The following AFG2A variants were observed in gnomAD, a reference collection of about 807,000 sequenced individuals.
AFG2A encodes ATPase family gene 2 protein homolog A.
the AFG2A span, among the ~76,000 whole-genome samples, chr4:123,296,640 T>A: frequency 6.6e-6 from 1 of 152,206 alleles, no homozygotes; most frequent in African/African-American, 2.4e-5. Flanking sequence ...AGGATTACAG[T>A]GTAGATGCAA....
At chr4:122,947,302 C>T in the AFG2A span, 16 of 1,613,290 alleles carry the variant, frequency 9.9e-6, no homozygotes, top group East Asian at 4.5e-5. Context: ...TGCTGCTCTC[C>T]GAAGACCTGG....
chr4:122,957,166 A>T, the AFG2A span, among the ~76,000 whole-genome samples: 1 of 152,310 alleles, frequency 6.6e-6, no homozygotes, highest in South Asian at 2.1e-4. Flanking sequence ...GGGAGAAAGA[A>T]GGTAAAGAAA....
the AFG2A span, chr4:123,090,519 A>G: frequency 6.4e-7 from 1 of 1,572,024 alleles, no homozygotes; most frequent in Non-Finnish European, 8.7e-7. Context: ...TTAAAAATTA[A>G]TAGATAATAG....
At chr4:122,956,694 G>C in the AFG2A span, among the ~76,000 whole-genome samples, 1 of 152,144 alleles carries the variant, frequency 6.6e-6, no homozygotes, top group Non-Finnish European at 1.5e-5. Flanking sequence ...GCAGTGGCGT[G>C]ATCTCGGCTC....
the AFG2A span, among the ~76,000 whole-genome samples, chr4:123,219,732 G>T: frequency 6.6e-6 from 1 of 152,036 alleles, no homozygotes; most frequent in Non-Finnish European, 1.5e-5. Flanking sequence ...AATTTTACTT[G>T]TGCATGTGTA....
At chr4:123,072,281 T>C in the AFG2A span, among the ~76,000 whole-genome samples, 1 of 152,298 alleles carries the variant, frequency 6.6e-6, no homozygotes, top group Middle Eastern at 3.4e-3. Flanking sequence ...CAACTCTTAT[T>C]AATACAGTGT....
the AFG2A span, among the ~76,000 whole-genome samples, chr4:123,147,064 A>G: frequency 6.6e-6 from 1 of 152,090 alleles, no homozygotes; most frequent in Non-Finnish European, 1.5e-5. Flanking sequence ...ATCTTATTTT[A>G]TATTATATAT....
chr4:123,142,890 A>G, the AFG2A span, among the ~76,000 whole-genome samples: 1 of 152,112 alleles, frequency 6.6e-6, no homozygotes, highest in African/African-American at 2.4e-5. Flanking sequence ...TTTGTTGTAA[A>G]GTGAGGCCTT....
chr4:123,313,902 CAG>C, the AFG2A span: 1 of 1,591,842 alleles, frequency 6.3e-7, no homozygotes. Context: ...TAGCTGTCTG[CAG>C]AGAGGCAGCT....
chr4:123,213,044 ACT>A, the AFG2A span, among the ~76,000 whole-genome samples: 1 of 152,152 alleles, frequency 6.6e-6, no homozygotes, highest in Non-Finnish European at 1.5e-5. Context: ...AAGAGTTTTT[ACT>A]TGGACCTTCC....
the AFG2A span, among the ~76,000 whole-genome samples, chr4:123,116,798 C>A: frequency 1.3e-5 from 2 of 152,148 alleles, no homozygotes; most frequent in African/African-American, 4.8e-5. Context: ...ATATGGTGAT[C>A]TTGTGATACA....
the AFG2A span, among the ~76,000 whole-genome samples, chr4:123,204,058 A>G: frequency 6.6e-6 from 1 of 152,186 alleles, no homozygotes; most frequent in Non-Finnish European, 1.5e-5. Flanking sequence ...TCACATCTTC[A>G]TCTGCTAACT....
chr4:123,021,292 T>C, the AFG2A span, among the ~76,000 whole-genome samples: 4 of 152,074 alleles, frequency 2.6e-5, no homozygotes, highest in Non-Finnish European at 5.9e-5. Flanking sequence ...TTTCCCTTTT[T>C]AAGATTTTTA....
At chr4:123,010,128 T>G in the AFG2A span, among the ~76,000 whole-genome samples, 2 of 152,196 alleles carry the variant, frequency 1.3e-5, no homozygotes, top group East Asian at 3.9e-4. Flanking sequence ...AGTCTGGCCC[T>G]TCAGCATAAC....
At chr4:123,071,584 A>G in the AFG2A span, among the ~76,000 whole-genome samples, 4 of 152,114 alleles carry the variant, frequency 2.6e-5, no homozygotes, top group Non-Finnish European at 5.9e-5. Flanking sequence ...TGGAATTTTT[A>G]CTGGGAAATC....
the AFG2A span, among the ~76,000 whole-genome samples, chr4:123,295,826 G>A: frequency 2.8e-4 from 43 of 152,266 alleles, no homozygotes; most frequent in African/African-American, 6.7e-4. Context: ...GTGGGAGGAC[G>A]GCTTGAGCCC....
chr4:123,121,864 T>A, the AFG2A span, among the ~76,000 whole-genome samples: 2 of 152,244 alleles, frequency 1.3e-5, no homozygotes, highest in African/African-American at 4.8e-5. Flanking sequence ...CCTCTTGAAG[T>A]ATAATGAACC....
At chr4:123,144,956 T>A in the AFG2A span, among the ~76,000 whole-genome samples, 1 of 151,894 alleles carries the variant, frequency 6.6e-6, no homozygotes. Context: ...AAGACAATAA[T>A]TTTTTTTCTC....
At chr4:123,118,259 AAATATGCAAATAT>A in the AFG2A span, among the ~76,000 whole-genome samples, 3 of 143,824 alleles carry the variant, frequency 2.1e-5, no homozygotes, top group East Asian at 3.9e-4. Flanking sequence ...ACAAACAAAA[AAATATGCAAATAT>A]ATATGCAAAT....
Sources: allele counts gnomAD v4.1 joint callset (sites outside exome capture counted in the v4.1 genomes callset), GRCh38; gene constraint gnomAD v4.1.1; transcripts MANE v1.5; gene names NCBI Gene and HGNC (gene_info 2026-07-23, HGNC 2026-07-21).